PBLD: variants seen among roughly 807,000 people sequenced by gnomAD.
PBLD encodes phenazine biosynthesis like protein domain containing, also known as phenazine biosynthesis-like domain-containing protein.
Under a neutral mutation model 31.3 loss-of-function variants are expected in PBLD, and 26 were observed. The ratio of observed to expected loss-of-function variants is 0.83; its 90% CI spans 0.61 to 1.15. The LOEUF (loss-of-function observed/expected upper bound fraction) is 1.15. PBLD is among the 50% of genes most tolerant of loss of function. PBLD has a pLI of 0.00. For missense variants in PBLD, 307 were observed against 351.7 expected, an observed-to-expected ratio of 0.87 and a Z score of 1.02; for synonymous variants, 114 against 129.0, an observed-to-expected ratio of 0.88 and a Z score of 0.79.
intron 1 of PBLD, among the ~76,000 whole-genome samples, chr10:68,329,036 G>A (rs1250033696): frequency 6.6e-6 from 1 of 152,046 alleles, no homozygotes; most frequent in African/African-American, 2.4e-5. Flanking sequence ...GTGCCACCAC[G>A]CCCAGCTAAT....
intron 1 of PBLD, among the ~76,000 whole-genome samples, chr10:68,323,733 A>C (rs1409718259): frequency 6.6e-6 from 1 of 152,208 alleles, no homozygotes; most frequent in African/African-American, 2.4e-5. Flanking sequence ...TTTATGTAGA[A>C]TATTCAGAAG....
intron 1 of PBLD, among the ~76,000 whole-genome samples, chr10:68,323,469 G>A (rs773624993): frequency 1.3e-5 from 2 of 152,102 alleles, no homozygotes; most frequent in Non-Finnish European, 2.9e-5. Flanking sequence ...GGCTGAGGCT[G>A]GAGAACAGCT....
chr10:68,319,511 C>T (rs543213258), intron 1 of PBLD, among the ~76,000 whole-genome samples: 24 of 152,130 alleles, frequency 1.6e-4, no homozygotes, highest in Admixed American at 1.4e-3. Flanking sequence ...GGTGAAACCC[C>T]GTCTCTACTA....
At chr10:68,298,678 C>T (rs1326047488) in intron 2 of PBLD, among the ~76,000 whole-genome samples, 1 of 151,898 alleles carries the variant, frequency 6.6e-6, no homozygotes, top group Non-Finnish European at 1.5e-5. Flanking sequence ...ATCTTATGGC[C>T]TCAGTTTCCA....
chr10:68,302,775 A>G (rs1318656410), intron 2 of PBLD, among the ~76,000 whole-genome samples: 1 of 151,748 alleles, frequency 6.6e-6, no homozygotes, highest in Non-Finnish European at 1.5e-5. Context: ...CAGGAGTTCA[A>G]GGCTGCAGTG....
chr10:68,319,047 A>AAG (rs745362764), intron 1 of PBLD, among the ~76,000 whole-genome samples: 7,032 of 110,666 alleles, frequency 0.064, 398 homozygotes, highest in East Asian at 0.22. Flanking sequence ...GAAAGAAAGA[A>AAG]AGAGAGAGAA....
chr10:68,318,486 C>T (rs2044768616), intron 1 of PBLD, among the ~76,000 whole-genome samples: 1 of 147,416 alleles, frequency 6.8e-6, no homozygotes, highest in African/African-American at 2.5e-5. Flanking sequence ...GATCATGCCA[C>T]TGCACTGTAG....
At chr10:68,331,993 G>A (rs984053677) in intron 1 of PBLD, 1 of 152,540 alleles carries the variant, frequency 6.6e-6, no homozygotes, top group African/African-American at 2.4e-5. Flanking sequence ...TCGCGAGAGT[G>A]GGGCCGGCCG....
At chr10:68,320,264 T>C (rs780811121) in intron 1 of PBLD, among the ~76,000 whole-genome samples, 1 of 152,188 alleles carries the variant, frequency 6.6e-6, no homozygotes, top group Non-Finnish European at 1.5e-5. Context: ...CAAAAGTTGT[T>C]AGTAGAAACA....
chr10:68,292,419 A>C (rs989735522), intron 4 of PBLD, among the ~76,000 whole-genome samples, 181 bp from the exon 5 acceptor site: 21 of 152,128 alleles, frequency 1.4e-4, no homozygotes, highest in African/African-American at 5.1e-4. Context: ...TAACTTGAGA[A>C]CCAAGAACAT....
intron 1 of PBLD, among the ~76,000 whole-genome samples, chr10:68,312,696 G>A (rs1165509949): frequency 8.5e-5 from 11 of 130,038 alleles, no homozygotes; most frequent in African/African-American, 2.3e-4. Flanking sequence ...TGCAAGCTCC[G>A]CCTCCCGGGT....
chr10:68,319,452 A>G (rs1280898265), intron 1 of PBLD, among the ~76,000 whole-genome samples: 1 of 152,190 alleles, frequency 6.6e-6, no homozygotes, highest in Non-Finnish European at 1.5e-5. Flanking sequence ...GGAGGCCAAG[A>G]CAGGTGGATT....
At chr10:68,330,608 C>T (rs1346557926) in intron 1 of PBLD, among the ~76,000 whole-genome samples, 2 of 151,982 alleles carry the variant, frequency 1.3e-5, no homozygotes, top group Admixed American at 1.3e-4. Context: ...TGCGGTGGCG[C>T]GATCTGGGCT....
At chr10:68,328,219 A>C (rs925447096) in intron 1 of PBLD, among the ~76,000 whole-genome samples, 1 of 152,248 alleles carries the variant, frequency 6.6e-6, no homozygotes, top group East Asian at 1.9e-4. Flanking sequence ...GATGAAATTT[A>C]GTGGATTTTG....
chr10:68,312,598 T>C (rs975143513), intron 1 of PBLD, among the ~76,000 whole-genome samples: 2 of 143,608 alleles, frequency 1.4e-5, no homozygotes, highest in Admixed American at 7.7e-5. Flanking sequence ...GTTATTGAGT[T>C]TCTTTCCTTT....
At chr10:68,314,979 G>A (rs956857697) in intron 1 of PBLD, among the ~76,000 whole-genome samples, 24 of 151,810 alleles carry the variant, frequency 1.6e-4, no homozygotes, top group Admixed American at 6.6e-5. Flanking sequence ...TAGTTGAGAC[G>A]GGGTTTCGCC....
At chr10:68,290,877 A>G (rs528182755) in intron 6 of PBLD, among the ~76,000 whole-genome samples, 18 of 152,330 alleles carry the variant, frequency 1.2e-4, no homozygotes, top group African/African-American at 4.1e-4. Context: ...GTCTACCATT[A>G]TAAGTTTTTT....
At chr10:68,297,401 G>T (rs1434681862) in intron 2 of PBLD, among the ~76,000 whole-genome samples, 1 of 152,188 alleles carries the variant, frequency 6.6e-6, no homozygotes. Context: ...GTCTTTGCAT[G>T]GTTCACTCTC....
chr10:68,326,199 G>A (rs1463066406), intron 1 of PBLD, among the ~76,000 whole-genome samples: 1 of 152,018 alleles, frequency 6.6e-6, no homozygotes, highest in Non-Finnish European at 1.5e-5. Context: ...ATCATGCCCG[G>A]TTAATTATTT....
Sources: allele counts gnomAD v4.1 joint callset (sites outside exome capture counted in the v4.1 genomes callset), GRCh38; gene constraint gnomAD v4.1.1; transcripts MANE v1.5; gene names NCBI Gene and HGNC (gene_info 2026-07-23, HGNC 2026-07-21).